Variants in LRRC18 observed in about 807,000 individuals in gnomAD.
The protein encoded by LRRC18 is leucine rich repeat containing 18.
Under a neutral mutation model 11.2 loss-of-function variants are expected in LRRC18, and 12 were observed. The observed-to-expected ratio is 1.07, with a 90% confidence interval of 0.69 to 1.74. The LOEUF (loss-of-function observed/expected upper bound fraction) is 1.74. Ranked by LOEUF, LRRC18 falls within the 40% of genes most tolerant of loss-of-function variation. The probability of loss-of-function intolerance (pLI) is 0.00; values close to 1 mark genes in which losing one functional copy is unlikely to be tolerated. For synonymous variants in LRRC18, 155 were observed against 130.6 expected (o/e 1.19, Z -1.27); for missense variants, 374 against 330.5 (o/e 1.13, Z -1.02).
At chr10:48,920,264 G>A in the LRRC18 span, among the ~76,000 whole-genome samples, 110 of 151,832 alleles carry the variant, frequency 7.2e-4, 1 homozygote, top group East Asian at 4.8e-3. Context: ...AAGCTAGAGC[G>A]GACAAAAAAC....
chr10:48,936,644 C>T, the LRRC18 span, among the ~76,000 whole-genome samples: 4 of 151,662 alleles, frequency 2.6e-5, no homozygotes, highest in Non-Finnish European at 4.4e-5. Flanking sequence ...GAGACCATCC[C>T]GGCTAACACA....
chr10:48,934,926 C>T, the LRRC18 span, among the ~76,000 whole-genome samples: 1 of 152,160 alleles, frequency 6.6e-6, no homozygotes, highest in East Asian at 1.9e-4. Context: ...TGTGCCCTGG[C>T]CCCCGAGGAT....
At chr10:48,916,624 AG>A (rs1838561563), upstream of LRRC18, among the ~76,000 whole-genome samples, 1 of 152,206 alleles carries the variant, frequency 6.6e-6, no homozygotes, top group Admixed American at 6.5e-5. Context: ...AAGACCAAAA[AG>A]TCGGGGGAGA....
At chr10:48,936,270 G>C in the LRRC18 span, among the ~76,000 whole-genome samples, 7 of 152,142 alleles carry the variant, frequency 4.6e-5, no homozygotes, top group South Asian at 1.5e-3. Flanking sequence ...ACCATATCAT[G>C]TTTTAAGTCC....
At chr10:48,919,399 CT>C in the LRRC18 span, among the ~76,000 whole-genome samples, 2 of 152,120 alleles carry the variant, frequency 1.3e-5, no homozygotes, top group African/African-American at 4.8e-5. Context: ...GGTTGAAACC[CT>C]TTCAAAAAAG....
the LRRC18 span, among the ~76,000 whole-genome samples, chr10:48,925,114 G>T: frequency 6.6e-6 from 1 of 152,178 alleles, no homozygotes; most frequent in Non-Finnish European, 1.5e-5. Context: ...AAAAGGAAAT[G>T]ATGCAAACTT....
At chr10:48,914,057 G>C (rs570463312) in exon 1 of LRRC18, 1 of 1,614,220 alleles carries the variant, frequency 6.2e-7, no homozygotes, top group Admixed American at 1.7e-5. Context: ...TCTTGCTCAA[G>C]TCAAGGCGCT....
At chr10:48,918,591 G>GA (rs1838763666), upstream of LRRC18, among the ~76,000 whole-genome samples, 2 of 152,120 alleles carry the variant, frequency 1.3e-5, no homozygotes, top group Non-Finnish European at 2.9e-5. Context: ...ACATAAAATT[G>GA]AAAGGAAAAA....
the LRRC18 span, among the ~76,000 whole-genome samples, chr10:48,922,893 G>A: frequency 6.6e-6 from 1 of 152,194 alleles, no homozygotes; most frequent in Non-Finnish European, 1.5e-5. Context: ...TTGGGGAAAG[G>A]CTTGACTAGA....
At chr10:48,928,648 G>A in the LRRC18 span, among the ~76,000 whole-genome samples, 2 of 152,178 alleles carry the variant, frequency 1.3e-5, no homozygotes, top group East Asian at 1.9e-4. Context: ...CTCCTCACAT[G>A]GAATTCTTTC....
chr10:48,934,411 T>A, the LRRC18 span, among the ~76,000 whole-genome samples: 2 of 152,222 alleles, frequency 1.3e-5, no homozygotes, highest in African/African-American at 2.4e-5. Context: ...ACCGGGGGGA[T>A]ACAGCAATTG....
chr10:48,914,545 A>C (rs976884411), upstream of LRRC18, among the ~76,000 whole-genome samples: 2 of 152,186 alleles, frequency 1.3e-5, no homozygotes, highest in Non-Finnish European at 2.9e-5. Context: ...CCCCCAACCC[A>C]GAGCCATGTG....
At chr10:48,936,013 T>C in the LRRC18 span, among the ~76,000 whole-genome samples, 1 of 151,784 alleles carries the variant, frequency 6.6e-6, no homozygotes, top group African/African-American at 2.4e-5. Context: ...TGGAAAAAAA[T>C]TTGAAAATGT....
At chr10:48,925,475 C>G in the LRRC18 span, among the ~76,000 whole-genome samples, 1 of 152,124 alleles carries the variant, frequency 6.6e-6, no homozygotes, top group African/African-American at 2.4e-5. Context: ...ATTCTGGGCC[C>G]GAAATTGTGT....
upstream of LRRC18, among the ~76,000 whole-genome samples, chr10:48,919,091 G>A (rs2943248): frequency 0.34 from 51,059 of 151,818 alleles, 9,072 homozygotes; most frequent in Non-Finnish European, 0.39. Flanking sequence ...AAGCCTTAAC[G>A]AATTTAAAGG....
At chr10:48,933,190 C>G in the LRRC18 span, among the ~76,000 whole-genome samples, 6 of 152,154 alleles carry the variant, frequency 3.9e-5, no homozygotes, top group Non-Finnish European at 8.8e-5. Flanking sequence ...ATATGTGGAC[C>G]AGGCAACGAG....
the LRRC18 span, among the ~76,000 whole-genome samples, chr10:48,920,575 G>A: frequency 1.3e-5 from 2 of 152,132 alleles, no homozygotes; most frequent in Non-Finnish European, 2.9e-5. Context: ...CTTCGTGAAG[G>A]ACAGAAGGTT....
At chr10:48,910,885 G>A (rs1046708800) in intron 1 of LRRC18, 1 of 984,316 alleles carries the variant, frequency 1.0e-6, no homozygotes, top group African/African-American at 1.7e-5. Flanking sequence ...GGCACCAGGT[G>A]GGCTCTGTAA....
At chr10:48,929,798 G>T in the LRRC18 span, among the ~76,000 whole-genome samples, 2 of 152,128 alleles carry the variant, frequency 1.3e-5, no homozygotes, top group Admixed American at 6.5e-5. Context: ...TCTTCCGGCT[G>T]GGCTGACAGC....
Sources: gnomAD v4.1 joint callset for allele counts (sites outside exome capture counted in the v4.1 genomes callset) on GRCh38, gnomAD v4.1.1 for gene constraint, MANE v1.5 for transcripts, NCBI Gene and HGNC (gene_info 2026-07-23, HGNC 2026-07-21) for gene names.